Variants in MYT1L observed in about 807,000 individuals in gnomAD.
The protein encoded by MYT1L is myelin transcription factor 1-like protein.
In MYT1L, 12 loss-of-function variants were observed where a neutral mutation model predicts 126.7. The observed-to-expected ratio is 0.09, with a 90% confidence interval of 0.06 to 0.15. The LOEUF (loss-of-function observed/expected upper bound fraction) is 0.15, where lower values mean the gene tolerates loss of function less well. Ranked by LOEUF, MYT1L falls within the 10% of genes least tolerant of loss-of-function variation. The probability of loss-of-function intolerance (pLI) is 1.00; values close to 1 mark genes in which losing one functional copy is unlikely to be tolerated. For synonymous variants in MYT1L, 541 were observed against 604.2 expected, an observed-to-expected ratio of 0.90 and a Z score of 1.53; for missense variants, 979 against 1,585.2, an observed-to-expected ratio of 0.62 and a Z score of 6.49.
At chr2:2,150,667 C>T (rs1250931067) in intron 3 of MYT1L, among the ~76,000 whole-genome samples, 15 of 152,118 alleles carry the variant, frequency 9.9e-5, no homozygotes, top group Admixed American at 7.9e-4. Flanking sequence ...TTTCTTACAC[C>T]TTAGATTCTC....
At chr2:1,856,515 C>T (rs1278286705) in intron 18 of MYT1L, among the ~76,000 whole-genome samples, 1 of 152,190 alleles carries the variant, frequency 6.6e-6, no homozygotes, top group Non-Finnish European at 1.5e-5. Context: ...GTGTCCTTCC[C>T]AGGACATAAA....
At chr2:2,262,939 G>GAGATATATATATATATAT (rs1466512652) in intron 2 of MYT1L, among the ~76,000 whole-genome samples, 1 of 51,994 alleles carries the variant, frequency 1.9e-5, no homozygotes, top group African/African-American at 8.5e-5. Flanking sequence ...TATAACCTGT[G>GAGATATATATATATATAT]ATATATATAT....
At chr2:2,097,918 G>A (rs2077622413) in intron 3 of MYT1L, among the ~76,000 whole-genome samples, 1 of 152,158 alleles carries the variant, frequency 6.6e-6, no homozygotes, top group South Asian at 2.1e-4. Flanking sequence ...CCTTGTTGAT[G>A]AATGAGTTCT....
rs1295182601 is a variant in MYT1L, at chr2:1,840,749, G to C, written c.2858+11C>G. 1.9e-6 allele frequency: 3 copies of C among 1,544,952 alleles called. No homozygotes were observed. The South Asian group carries it at 3.6e-5, about 18-fold the overall frequency. On this transcript the variant is annotated intron_variant, in intron 20 of 24. Transcript: ENST00000647738. ...CCCTGCTATGGTTCTCAGCCCCACT[G>C]GTGCTCATACCTGATGGGTTCTTGA...
chr2:2,322,680 T>C (rs2096189546), intron 1 of MYT1L, among the ~76,000 whole-genome samples: 1 of 152,122 alleles, frequency 6.6e-6, no homozygotes, highest in African/African-American at 2.4e-5. Flanking sequence ...TTCAGGGATC[T>C]CTGCATAGAA....
intron 3 of MYT1L, among the ~76,000 whole-genome samples, chr2:2,097,958 G>A (rs2077627944): frequency 2.0e-5 from 3 of 152,144 alleles, no homozygotes; most frequent in African/African-American, 7.2e-5. Flanking sequence ...ATCTGGTTGT[G>A]TAAAAGTGTG....
chr2:1,955,728 A>G (rs1056500053), intron 8 of MYT1L, among the ~76,000 whole-genome samples: 2 of 152,222 alleles, frequency 1.3e-5, no homozygotes, highest in Non-Finnish European at 2.9e-5. Context: ...CCATGTCTGC[A>G]CTTTTTTGTT....
intron 1 of MYT1L, among the ~76,000 whole-genome samples, chr2:2,298,352 G>A (rs577544125): frequency 2.6e-5 from 4 of 152,174 alleles, no homozygotes; most frequent in Non-Finnish European, 2.9e-5. Context: ...GATGCAATGA[G>A]AGACCATTCG....
intron 14 of MYT1L, among the ~76,000 whole-genome samples, chr2:1,901,421 AC>A (rs1458645812): frequency 6.6e-6 from 1 of 152,246 alleles, no homozygotes; most frequent in African/African-American, 2.4e-5. Context: ...AAATGAGATG[AC>A]AAGAAACCTG....
chr2:1,982,403 T>C (rs1208320345), intron 5 of MYT1L, among the ~76,000 whole-genome samples: 1 of 152,206 alleles, frequency 6.6e-6, no homozygotes, highest in Non-Finnish European at 1.5e-5. Flanking sequence ...TGAAGGCCTA[T>C]AAGTTGAGAA....
chr2:1,866,790 AGAGAGAGAGGCAGAGAAG>A (rs1343716963), intron 18 of MYT1L, among the ~76,000 whole-genome samples: 28 of 47,376 alleles, frequency 5.9e-4, no homozygotes, highest in African/African-American at 9.9e-4. Flanking sequence ...AGGGAGGGGG[AGAGAGAGAGGCAGAGAAG>A]GGGGGAGAGA....
chr2:2,021,158 T>C (rs2064995706), intron 4 of MYT1L, among the ~76,000 whole-genome samples: 1 of 152,110 alleles, frequency 6.6e-6, no homozygotes, highest in African/African-American at 2.4e-5. Flanking sequence ...AAGTGATAAT[T>C]GGGTTCCTAC....
At chr2:1,991,708 C>T (rs987472133) in intron 5 of MYT1L, among the ~76,000 whole-genome samples, 9 of 152,146 alleles carry the variant, frequency 5.9e-5, no homozygotes, top group South Asian at 4.1e-4. Flanking sequence ...CACCCTCCAA[C>T]GGCTAACCTG....
chr2:1,886,735 AT>A (rs892861657), intron 17 of MYT1L, 128 bp from the exon 18 acceptor site: 77 of 448,136 alleles, frequency 1.7e-4, no homozygotes, highest in Admixed American at 1.1e-3. Flanking sequence ...TGTATATTGA[AT>A]TTTTTTTTGT....
chr2:1,874,594 C>T (rs989631788), intron 18 of MYT1L, among the ~76,000 whole-genome samples: 8 of 152,208 alleles, frequency 5.3e-5, no homozygotes, highest in Non-Finnish European at 1.0e-4. Flanking sequence ...GCGGCTGGGC[C>T]GGATGTCCTT....
intron 9 of MYT1L, among the ~76,000 whole-genome samples, chr2:1,926,229 G>A (rs1384441161): frequency 2.0e-5 from 3 of 152,126 alleles, no homozygotes; most frequent in Non-Finnish European, 4.4e-5. Context: ...AAACACATGT[G>A]AAATGAAGTC....
At chr2:1,960,346 C>T (rs753800729) in intron 8 of MYT1L, among the ~76,000 whole-genome samples, 2 of 152,228 alleles carry the variant, frequency 1.3e-5, no homozygotes, top group African/African-American at 4.8e-5. Flanking sequence ...ATACCAAGGA[C>T]AGGGCGGGGG....
At chr2:1,846,233 C>T (rs2042480045) in intron 19 of MYT1L, among the ~76,000 whole-genome samples, 1 of 152,204 alleles carries the variant, frequency 6.6e-6, no homozygotes, top group African/African-American at 2.4e-5. Context: ...TCATAATTAC[C>T]TGTACCTCGA....
Position 1,979,635 on chromosome 2 carries a change from C to A in MYT1L, c.56-81G>T, listed in dbSNP as rs540773765. On this transcript the variant is annotated intron_variant, in intron 6 of 24. Coordinates refer to ENST00000647738, the MANE Select transcript of MYT1L (RefSeq NM_001303052.2). This position sits in a 1 kb window ranked among gnomAD's most constrained non-coding sequence, Gnocchi z 4.0. ...CCACAGAAAATTACCAAAAGGGTGG[C>A]ATGAAAGTGGGGTCAGAATCGACCT... 11 of 1,601,956 alleles carry A rather than the reference C, an allele frequency of 6.9e-6. No individual in the cohort carries two copies. In the Admixed American group the frequency reaches 1.3e-4, roughly 19 times the overall value.
Sources: gnomAD v4.1 joint callset for allele counts (sites outside exome capture counted in the v4.1 genomes callset) on GRCh38, gnomAD v4.1.1 for gene constraint, Gnocchi (gnomAD v3.1) non-coding constraint, MANE v1.5 for transcripts, NCBI Gene and HGNC (gene_info 2026-07-23, HGNC 2026-07-21) for gene names.